Variants in SRGAP1 observed in about 807,000 individuals in gnomAD.
SRGAP1 encodes the protein SLIT-ROBO Rho GTPase-activating protein 1.
SRGAP1 carries 43 observed loss-of-function variants against 121.9 expected under a neutral mutation model. The observed-to-expected ratio is 0.35, with a 90% CI of 0.28 to 0.46. The LOEUF is 0.46. Ranked by LOEUF, SRGAP1 falls within the 20% of genes least tolerant of loss-of-function variation. SRGAP1 has a pLI of 1.00. For synonymous variants in SRGAP1, 447 were observed against 485.4 expected (o/e 0.92, Z 1.04); for missense variants, 1,102 against 1,350.9 (o/e 0.82, Z 2.89).
intron 3 of SRGAP1, among the ~76,000 whole-genome samples, chr12:64,003,812 T>C (rs1341433425): frequency 6.6e-6 from 1 of 152,042 alleles, no homozygotes; most frequent in East Asian, 1.9e-4. Flanking sequence ...CAAGAAAATT[T>C]CCCAAATTTG....
chr12:63,937,284 C>T (rs1263522323), intron 1 of SRGAP1, among the ~76,000 whole-genome samples: 2 of 152,096 alleles, frequency 1.3e-5, no homozygotes, highest in African/African-American at 4.8e-5. Context: ...CTGACAATGG[C>T]CCATAATCAT....
intron 18 of SRGAP1, among the ~76,000 whole-genome samples, chr12:64,120,672 G>A (rs761910183): frequency 6.6e-6 from 1 of 152,108 alleles, no homozygotes; most frequent in Non-Finnish European, 1.5e-5. Context: ...CTCTGAGGGT[G>A]GGGAGGAGGG....
chr12:64,025,674 T>G (rs899660095), intron 4 of SRGAP1, among the ~76,000 whole-genome samples: 1 of 152,012 alleles, frequency 6.6e-6, no homozygotes, highest in Admixed American at 6.6e-5. Context: ...TTAAAAACAC[T>G]CTATTTAGGG....
chr12:64,094,654 A>G (rs551879652), intron 12 of SRGAP1, among the ~76,000 whole-genome samples: 24 of 152,334 alleles, frequency 1.6e-4, no homozygotes, highest in East Asian at 1.2e-3. Flanking sequence ...TAAGTCCATT[A>G]AAGATTGGTC....
intron 1 of SRGAP1, among the ~76,000 whole-genome samples, chr12:63,903,541 C>T (rs2030042204): frequency 1.3e-5 from 2 of 151,626 alleles, no homozygotes; most frequent in Admixed American, 6.6e-5. Context: ...CCACCGCGCC[C>T]AGCCTGTTTT....
rs2037016676 is a variant in SRGAP1, at chr12:64,144,374, TTCA to T, written c.*1706_*1708del. On this transcript the variant is annotated 3_prime_UTR_variant, in exon 22 of 22. Coordinates refer to ENST00000355086, the MANE Select transcript of SRGAP1 (RefSeq NM_020762.4). The stretch of plus-strand genomic sequence containing the variant: ...AAGAGCTACACAGTGTAGATTTTAC[TTCA>T]TCAGCCCATTGGTGAATGCATCGTG... 6.6e-6 allele frequency: 1 copy of T among 152,142 alleles called. No homozygotes were observed. Among genetic ancestry groups the T allele is most frequent in the Non-Finnish European group, 1.5e-5 (1 of 68,036 alleles). 9.4% of individuals were successfully genotyped at this position (152,142 alleles called of 1,614,324 possible). A position where few individuals can be genotyped will look rare whatever the true frequency, so the allele number is the denominator to read the frequency against.
intron 1 of SRGAP1, among the ~76,000 whole-genome samples, chr12:63,950,903 C>G (rs1460374905): frequency 1.3e-5 from 2 of 151,984 alleles, no homozygotes; most frequent in African/African-American, 2.4e-5. Flanking sequence ...CACCCCACCC[C>G]CATTATGCAT....
Position 64,016,759 on chromosome 12 carries a change from T to G in SRGAP1, c.427-191T>G, listed in dbSNP as rs3803104. Among the ~76,000 whole-genome samples, 20 of 152,334 alleles carry G rather than the reference T, an allele frequency of 1.3e-4. No individual in the cohort carries two copies. In the East Asian group the frequency reaches 3.7e-3, roughly 28 times the overall value. Reference sequence around the variant, plus strand: ...CGTTCACCCATGGTTGTCACTTGTTTGCTCTGTTTATCTTATGGGGACCAT... The same window carrying G: ...CGTTCACCCATGGTTGTCACTTGTTGGCTCTGTTTATCTTATGGGGACCAT... On this transcript the variant is annotated intron_variant, in intron 3 of 21. Transcript: ENST00000355086.
chr12:64,085,584 G>A (rs768310923), intron 10 of SRGAP1, among the ~76,000 whole-genome samples: 3 of 152,060 alleles, frequency 2.0e-5, no homozygotes, highest in South Asian at 2.1e-4. Flanking sequence ...GCTTGCTGCC[G>A]AACACTGCCA....
chr12:63,946,903 G>C (rs1592970224), intron 1 of SRGAP1, among the ~76,000 whole-genome samples: 1 of 152,088 alleles, frequency 6.6e-6, no homozygotes, highest in East Asian at 1.9e-4. Context: ...TATTTTTTCA[G>C]GGGGACAGTC....
intron 1 of SRGAP1, among the ~76,000 whole-genome samples, chr12:63,846,813 A>G (rs1311738866): frequency 1.3e-5 from 2 of 152,214 alleles, no homozygotes; most frequent in African/African-American, 4.8e-5. Context: ...AAACATGGGA[A>G]TAAGGGAATA....
In SRGAP1 at chr12:64,151,483, T is replaced by C. The variant is rs2037119765; in HGVS notation, c.*8811T>C. ...TATATAATAATTAATTGTCTGTGTT[T>C]GGATCATAAAGTTAGCATTGACTCC... On this transcript the variant is annotated 3_prime_UTR_variant, in exon 22 of 22. Coordinates refer to ENST00000355086, the MANE Select transcript of SRGAP1 (RefSeq NM_020762.4). The C allele has an allele frequency of 6.6e-6, 1 of 152,208 alleles. No homozygotes were observed. Among genetic ancestry groups the C allele is most frequent in the African/African-American group, 2.4e-5 (1 of 41,446 alleles). 9.4% of individuals were successfully genotyped at this position (152,208 alleles called of 1,614,324 possible). A position where few individuals can be genotyped will look rare whatever the true frequency, so the allele number is the denominator to read the frequency against.
At chr12:63,892,194 C>T (rs1900609293) in intron 1 of SRGAP1, among the ~76,000 whole-genome samples, 1 of 152,128 alleles carries the variant, frequency 6.6e-6, no homozygotes, top group Non-Finnish European at 1.5e-5. Flanking sequence ...CCCTCCTTCC[C>T]TACCTCTAGT....
chr12:63,958,261 C>T lies in SRGAP1; in HGVS notation c.68-25686C>T, dbSNP rs576496944. On this transcript the variant is annotated intron_variant, in intron 1 of 21. Transcript: ENST00000355086. ...CCTTCTCAGAAACCTTGCAGAGCCCCAGAAAGTTCTCCTGGCCCCATCCTC... is the reference window on the plus strand; with the variant it reads ...CCTTCTCAGAAACCTTGCAGAGCCCTAGAAAGTTCTCCTGGCCCCATCCTC... Among the ~76,000 whole-genome samples, 11 of 152,282 alleles carry T rather than the reference C, an allele frequency of 7.2e-5. No individual in the cohort carries two copies. In the South Asian group the frequency reaches 1.0e-3, roughly 14 times the overall value.
intron 1 of SRGAP1, among the ~76,000 whole-genome samples, chr12:63,867,590 A>G (rs1899682256): frequency 6.6e-6 from 1 of 152,194 alleles, no homozygotes; most frequent in South Asian, 2.1e-4. Flanking sequence ...AATCAATCTT[A>G]TAAGATGAAT....
At chr12:64,014,008 A>C (rs1360511086) in intron 3 of SRGAP1, among the ~76,000 whole-genome samples, 1 of 152,252 alleles carries the variant, frequency 6.6e-6, no homozygotes, top group South Asian at 2.1e-4. Flanking sequence ...GGGAGTTGCC[A>C]TAACGAATAG....
intron 1 of SRGAP1, among the ~76,000 whole-genome samples, chr12:63,976,068 A>T (rs1047063514): frequency 2.6e-5 from 4 of 152,152 alleles, no homozygotes; most frequent in African/African-American, 9.6e-5. Context: ...AAATTGTTCA[A>T]TTTTTGCCCA....
At chr12:63,936,591 T>C (rs899039221) in intron 1 of SRGAP1, among the ~76,000 whole-genome samples, 1 of 152,140 alleles carries the variant, frequency 6.6e-6, no homozygotes. Flanking sequence ...TAGACAAGTG[T>C]AGACAGTACA....
chr12:63,907,471 G>A (rs1343974930), intron 1 of SRGAP1, among the ~76,000 whole-genome samples: 1 of 152,040 alleles, frequency 6.6e-6, no homozygotes, highest in South Asian at 2.1e-4. Context: ...CTGGGAGGTG[G>A]AGGTTGCAGT....
Sources: gnomAD v4.1 joint callset for allele counts (sites outside exome capture counted in the v4.1 genomes callset) on GRCh38, gnomAD v4.1.1 for gene constraint, MANE v1.5 for transcripts, NCBI Gene and HGNC (gene_info 2026-07-23, HGNC 2026-07-21) for gene names.